The following CEP192 variants were observed in gnomAD, a reference collection of about 807,000 sequenced individuals.
CEP192 encodes the protein centrosomal protein 192, also known as centrosomal protein of 192 kDa.
A neutral mutation model predicts 271.8 loss-of-function variants in CEP192; 151 were observed. The observed-to-expected ratio is 0.56, with a 90% CI of 0.49 to 0.64. The LOEUF is 0.64. CEP192 is among the 30% of genes least tolerant of loss of function. The pLI is 0.00. For missense variants in CEP192, 2,910 were observed against 3,020.5 expected, an observed-to-expected ratio of 0.96 and a Z score of 0.86; for synonymous variants, 995 against 1,076.5, an observed-to-expected ratio of 0.92 and a Z score of 1.48.
At chr18:13,054,599 A>G (rs930222213) in intron 18 of CEP192, among the ~76,000 whole-genome samples, 2 of 152,232 alleles carry the variant, frequency 1.3e-5, no homozygotes, top group Non-Finnish European at 2.9e-5. Flanking sequence ...CAGACAGATT[A>G]CTAAACCTCC....
chr18:13,115,528 G>A (rs987022276), intron 42 of CEP192, among the ~76,000 whole-genome samples: 1 of 152,142 alleles, frequency 6.6e-6, no homozygotes, highest in Non-Finnish European at 1.5e-5. Context: ...GCGTGTGTAG[G>A]ACAATCCCCT....
chr18:13,065,192 A>G (rs765227989), intron 21 of CEP192, among the ~76,000 whole-genome samples: 9 of 151,136 alleles, frequency 6.0e-5, no homozygotes, highest in African/African-American at 1.2e-4. Context: ...TTTTTTAAAC[A>G]TGGTCACTTA....
At chr18:13,112,016 A>G (rs962376404) in intron 40 of CEP192, among the ~76,000 whole-genome samples, 4 of 152,240 alleles carry the variant, frequency 2.6e-5, no homozygotes, top group African/African-American at 9.6e-5. Flanking sequence ...ACCCTGATGC[A>G]TTGCTGGAGG....
chr18:13,012,514 A>G (rs1370267794), intron 4 of CEP192, among the ~76,000 whole-genome samples: 3 of 152,076 alleles, frequency 2.0e-5, no homozygotes, highest in Non-Finnish European at 2.9e-5. Context: ...TTCTTTTTTT[A>G]TTATCTGATA....
At chr18:13,019,573 G>A (rs1406324675) in intron 9 of CEP192, among the ~76,000 whole-genome samples, 1 of 151,942 alleles carries the variant, frequency 6.6e-6, no homozygotes, top group African/African-American at 2.4e-5. Context: ...CCTGAAGCTT[G>A]GTAGTCATTT....
At chr18:13,075,850 C>T (rs957276713) in intron 30 of CEP192, among the ~76,000 whole-genome samples, 1 of 152,156 alleles carries the variant, frequency 6.6e-6, no homozygotes, top group Non-Finnish European at 1.5e-5. Flanking sequence ...CAGTGGTAGA[C>T]ACAAGGTTCA....
intron 27 of CEP192, 107 bp from the exon 28 acceptor site, chr18:13,070,932 G>A (rs766817859): frequency 6.9e-5 from 58 of 842,556 alleles, no homozygotes; most frequent in East Asian, 3.0e-4. Flanking sequence ...GAATATCATT[G>A]TATCCCCAGC....
Position 13,059,086 on chromosome 18 carries a change from A to T in CEP192, c.4262A>T (p.Asp1421Val). Residue 1421 changes from aspartate (D) to valine (V), a missense_variant, in exon 21 of 45, where the codon GAT becomes GTT. Coordinates refer to ENST00000506447, the MANE Select transcript of CEP192 (RefSeq NM_032142.4). Reference sequence around the variant, plus strand: ...CTTTATGGCTCTTTTTTGAAGGTGGATCTTTCAACATATCGTTGTTTAGTT... The same window carrying T: ...CTTTATGGCTCTTTTTTGAAGGTGGTTCTTTCAACATATCGTTGTTTAGTT... Reference protein sequence around the residue: ...LSISVNGEKVDLSTYRCLVFK... With the variant: ...LSISVNGEKVVLSTYRCLVFK... 6.2e-7 allele frequency: 1 copy of T among 1,609,062 alleles called. No individual in the cohort carries two copies. The highest frequency in any genetic ancestry group is 8.5e-7 in the Non-Finnish European group (1 of 1,175,560).
At position 13,050,442 on chromosome 18, in the gene CEP192, C is replaced by T. The variant is rs929997199; in HGVS notation, c.3017+551C>T. On this transcript the variant is annotated intron_variant, in intron 17 of 44. Transcript: ENST00000506447. ...TAAAGTTTTTCATGTTCATCTGAAG[C>T]AACATGGTACGGTTCAGCTAGTGCT... Among the ~76,000 whole-genome samples, 6 of 152,148 alleles carry T rather than the reference C, an allele frequency of 3.9e-5. No individual in the cohort carries two copies. The East Asian group carries it at 7.7e-4, about 19-fold the overall frequency.
intron 30 of CEP192, among the ~76,000 whole-genome samples, chr18:13,084,347 C>T (rs1223639107): frequency 3.9e-5 from 6 of 152,290 alleles, no homozygotes; most frequent in South Asian, 2.1e-4. Context: ...CCCCTCCCCC[C>T]GTCAGGCTAC....
At chr18:13,022,192 G>A (rs1286386039) in intron 9 of CEP192, among the ~76,000 whole-genome samples, 1 of 151,426 alleles carries the variant, frequency 6.6e-6, no homozygotes, top group Non-Finnish European at 1.5e-5. Context: ...ATTTATGTGG[G>A]TCAGTTTTTA....
intron 36 of CEP192, among the ~76,000 whole-genome samples, chr18:13,099,012 C>A (rs929861769): frequency 6.6e-6 from 1 of 152,104 alleles, no homozygotes; most frequent in Non-Finnish European, 1.5e-5. Flanking sequence ...ACCCCGTCTC[C>A]ACCAAAAAAA....
At position 13,056,474 on chromosome 18, in the gene CEP192, C is replaced by T. The variant is rs749644684; in HGVS notation, c.3884C>T (p.Pro1295Leu). The part of the protein sequence containing the change: ...ATVCGFSGGL[P>L]YPAVAGEPVQ... ...GTCTGTGGCTTCTCAGGAGGCCTTC[C>T]CTATCCAGCTGTTGCAGGAGAGCCT... Residue 1295 changes from proline (P) to leucine (L), a missense_variant, in exon 19 of 45, where the codon CCC (proline) becomes CTC (leucine). Coordinates refer to ENST00000506447, the MANE Select transcript of CEP192 (RefSeq NM_032142.4). 11 of 1,614,186 alleles carry T rather than the reference C, an allele frequency of 6.8e-6. No homozygotes were observed. The highest frequency in any genetic ancestry group is 8.5e-6 in the Non-Finnish European group (10 of 1,180,002).
In CEP192 at chr18:13,029,714, A is replaced by C; in HGVS notation, c.1102A>C (p.Lys368Gln). The C allele has an allele frequency of 1.2e-5, 18 of 1,551,216 alleles. No individual in the cohort carries two copies. Among genetic ancestry groups the C allele is most frequent in the Non-Finnish European group, 1.6e-5 (18 of 1,146,634 alleles). The change falls in exon 10 of 45, where the codon AAA (lysine) becomes CAA (glutamine). Residue 368 changes from lysine to glutamine, a missense_variant. By Grantham distance (53) the Lys-to-Gln change is moderately conservative. Coordinates refer to ENST00000506447, the MANE Select transcript of CEP192 (RefSeq NM_032142.4). ...LVKTLRAIDV[K>Q]LNSDNFHDAN... ...GAAGACCCTCAGGGCTATTGATGTG[A>C]AACTTAACTCTGATAATTTTCATGA... is the stretch of plus-strand genomic sequence containing the variant.
chr18:13,095,770 A>G, intron 35 of CEP192, 89 bp downstream of exon 35: 1 of 1,130,678 alleles, frequency 8.8e-7, no homozygotes, highest in African/African-American at 1.6e-5. Context: ...CAAGACACAC[A>G]TGGGCTCCTG....
chr18:13,115,011 G>A lies in CEP192; in HGVS notation c.7289+760G>A, dbSNP rs148457871. Among the ~76,000 whole-genome samples, 888 of 152,282 alleles carry A rather than the reference G, an allele frequency of 5.8e-3. 13 individuals are homozygous for A. The highest frequency in any genetic ancestry group is 0.02 in the African/African-American group (830 of 41,534). ...TTAACTAGTAATTAGGTCTAATTAA[G>A]TTCTTGAGGAGGATGCCTGGAAGGA... On this transcript the variant is annotated intron_variant, in intron 42 of 44. Coordinates refer to ENST00000506447, the MANE Select transcript of CEP192 (RefSeq NM_032142.4).
At chr18:13,020,143 A>G (rs886912198) in intron 9 of CEP192, among the ~76,000 whole-genome samples, 1 of 152,172 alleles carries the variant, frequency 6.6e-6, no homozygotes, top group Admixed American at 6.5e-5. Flanking sequence ...GTACAGTTCA[A>G]TAATGTTAAG....
chr18:13,053,085 C>G lies in CEP192; in HGVS notation c.3184C>G (p.Arg1062Gly). 1 of 1,600,154 alleles carries G rather than the reference C, an allele frequency of 6.2e-7. No individual in the cohort carries two copies. Among genetic ancestry groups the G allele is most frequent in the Non-Finnish European group, 8.5e-7 (1 of 1,173,410 alleles). The change falls in exon 18 of 45, where the codon CGC becomes GGC. Residue 1062 changes from arginine (R) to glycine (G), a missense_variant. Transcript: ENST00000506447. ...TTATDDALED[R>G]KSDITSELST... Reference sequence around the variant, plus strand: ...AGCCACAGATGATGCCCTGGAGGACCGCAAGGTGGGCAGCCACTTGGATTA... The same window carrying G: ...AGCCACAGATGATGCCCTGGAGGACGGCAAGGTGGGCAGCCACTTGGATTA...
chr18:13,045,220 A>G (rs2036411456), intron 15 of CEP192, among the ~76,000 whole-genome samples: 1 of 151,120 alleles, frequency 6.6e-6, no homozygotes. Context: ...TCTATTTCCT[A>G]TTTTCTGGTC....
Sources: allele counts gnomAD v4.1 joint callset (sites outside exome capture counted in the v4.1 genomes callset), GRCh38; gene constraint gnomAD v4.1.1; transcripts MANE v1.5; gene names NCBI Gene and HGNC (gene_info 2026-07-23, HGNC 2026-07-21).